The following SKAP1 variants were observed in gnomAD, a reference collection of about 807,000 sequenced individuals.
SKAP1 encodes src kinase associated phosphoprotein 1.
SKAP1 carries 44 observed loss-of-function variants against 58.5 expected under a neutral mutation model. That is an observed-to-expected ratio of 0.75 (90% CI 0.59 to 0.97). SKAP1 has a LOEUF of 0.97. Ranked by LOEUF, SKAP1 falls within the 50% of genes least tolerant of loss-of-function variation. The probability of loss-of-function intolerance (pLI) is 0.00; values close to 1 mark genes in which losing one functional copy is unlikely to be tolerated. For synonymous variants in SKAP1, 127 were observed against 149.7 expected, an observed-to-expected ratio of 0.85 and a Z score of 1.11; for missense variants, 390 against 435.2, an observed-to-expected ratio of 0.90 and a Z score of 0.92.
chr17:48,179,603 T>C (rs2064340229), intron 9 of SKAP1, among the ~76,000 whole-genome samples: 1 of 152,242 alleles, frequency 6.6e-6, no homozygotes, highest in Non-Finnish European at 1.5e-5. Flanking sequence ...AGGTTTGGTC[T>C]ATCAAGGTAT....
intron 11 of SKAP1, among the ~76,000 whole-genome samples, chr17:48,138,209 CTT>C (rs755390130): frequency 4.8e-5 from 7 of 144,344 alleles, no homozygotes; most frequent in African/African-American, 7.6e-5. Flanking sequence ...GGGGCTATTT[CTT>C]TTTTTTTTTT....
intron 4 of SKAP1, among the ~76,000 whole-genome samples, chr17:48,199,679 A>C (rs185854557): frequency 1.3e-5 from 2 of 152,078 alleles, no homozygotes; most frequent in Non-Finnish European, 2.9e-5. Flanking sequence ...TTGGGTTTCC[A>C]TAAGACCTTA....
chr17:48,322,461 C>T (rs1042949342), intron 4 of SKAP1, among the ~76,000 whole-genome samples: 31 of 152,256 alleles, frequency 2.0e-4, no homozygotes, highest in Admixed American at 1.0e-3. Flanking sequence ...CAAGGTATAA[C>T]GGAAAGAGTG....
chr17:48,257,152 G>T (rs1297936619), intron 4 of SKAP1, among the ~76,000 whole-genome samples: 2 of 151,722 alleles, frequency 1.3e-5, no homozygotes, highest in Non-Finnish European at 1.5e-5. Context: ...ATTTTAAAAG[G>T]TCTATCTTAA....
chr17:48,343,168 G>A (rs576025606), intron 4 of SKAP1, among the ~76,000 whole-genome samples: 9 of 152,066 alleles, frequency 5.9e-5, no homozygotes, highest in South Asian at 2.1e-4. Context: ...TTTTTCACCT[G>A]CAGCTTAACA....
At chr17:48,257,742 T>C (rs968675737) in intron 4 of SKAP1, among the ~76,000 whole-genome samples, 31 of 150,314 alleles carry the variant, frequency 2.1e-4, no homozygotes, top group African/African-American at 7.6e-4. Flanking sequence ...CTGTAGAAGA[T>C]AATAATGGTA....
chr17:48,134,289 CT>C (rs1203465964), intron 12 of SKAP1, among the ~76,000 whole-genome samples: 1 of 150,844 alleles, frequency 6.6e-6, no homozygotes, highest in Non-Finnish European at 1.5e-5. Context: ...ATTTTTTTTT[CT>C]TTTTTTACCC....
upstream of SKAP1, among the ~76,000 whole-genome samples, chr17:48,431,153 G>A (rs1479790550): frequency 1.3e-5 from 2 of 152,146 alleles, no homozygotes; most frequent in African/African-American, 4.8e-5. Context: ...TACCAGAAAA[G>A]GAGGGAAGAG....
At chr17:48,336,522 A>G (rs1003760304) in intron 4 of SKAP1, among the ~76,000 whole-genome samples, 3 of 152,186 alleles carry the variant, frequency 2.0e-5, no homozygotes, top group African/African-American at 7.2e-5. Context: ...AAAGGTAACA[A>G]TATAAATGAA....
intron 12 of SKAP1, 26 bp downstream of exon 12, chr17:48,137,203 C>T (rs2063711423): frequency 7.1e-7 from 1 of 1,417,272 alleles, no homozygotes; most frequent in Non-Finnish European, 1.0e-6. Flanking sequence ...AACTATTAGG[C>T]AGTTCATTGG....
chr17:48,219,619 C>G (rs951028371), intron 4 of SKAP1, among the ~76,000 whole-genome samples: 4 of 152,170 alleles, frequency 2.6e-5, no homozygotes, highest in African/African-American at 4.8e-5. Context: ...TGTGTTGGTA[C>G]CATAACCCAG....
intron 4 of SKAP1, among the ~76,000 whole-genome samples, chr17:48,280,059 T>C (rs1471004562): frequency 6.6e-6 from 1 of 152,164 alleles, no homozygotes; most frequent in East Asian, 1.9e-4. Context: ...AGAAAAATGA[T>C]CTAAAGCAAT....
chr17:48,280,224 T>C (rs1446275650), intron 4 of SKAP1, among the ~76,000 whole-genome samples: 1 of 152,116 alleles, frequency 6.6e-6, no homozygotes, highest in African/African-American at 2.4e-5. Flanking sequence ...TCTCAGCATT[T>C]TGGGAGGCAG....
At chr17:48,199,398 T>A (rs1202252423) in intron 4 of SKAP1, among the ~76,000 whole-genome samples, 1 of 152,246 alleles carries the variant, frequency 6.6e-6, no homozygotes, top group African/African-American at 2.4e-5. Flanking sequence ...CTCTGTCCTG[T>A]GGAACATGCC....
intron 2 of SKAP1, among the ~76,000 whole-genome samples, chr17:48,385,166 T>C (rs2067260521): frequency 6.6e-6 from 1 of 152,130 alleles, no homozygotes; most frequent in African/African-American, 2.4e-5. Flanking sequence ...CACCTGGCTG[T>C]GGCAATTGGA....
At chr17:48,226,208 C>T (rs763245927) in intron 4 of SKAP1, among the ~76,000 whole-genome samples, 1 of 152,184 alleles carries the variant, frequency 6.6e-6, no homozygotes, top group Non-Finnish European at 1.5e-5. Flanking sequence ...GGTCTCTCTT[C>T]AGATTGTTTG....
rs1488585911 is a variant in SKAP1, at chr17:48,405,098, AC to A, written c.47-8314del. Among the ~76,000 whole-genome samples, 8 of 152,324 alleles carry A rather than the reference AC, an allele frequency of 5.3e-5. No individual in the cohort carries two copies. The South Asian group carries it at 8.3e-4, about 16-fold the overall frequency. ...AGAGAAGCAGAAATTACTAAAAAAAACATTTTAATGTTACTACTAGTCTTGG... is the reference window on the plus strand; with the variant it reads ...AGAGAAGCAGAAATTACTAAAAAAAAATTTTAATGTTACTACTAGTCTTGG... On this transcript the variant is annotated intron_variant, in intron 1 of 12. Coordinates refer to ENST00000336915, the MANE Select transcript of SKAP1 (RefSeq NM_003726.4).
chr17:48,255,418 ATATATATATG>A (rs1478287157), intron 4 of SKAP1, among the ~76,000 whole-genome samples: 1 of 149,700 alleles, frequency 6.7e-6, no homozygotes, highest in African/African-American at 2.4e-5. Flanking sequence ...CTAACTAAAT[ATATATATATG>A]TATATATATA....
At chr17:48,408,642 T>C (rs1019270402) in intron 1 of SKAP1, among the ~76,000 whole-genome samples, 9 of 152,230 alleles carry the variant, frequency 5.9e-5, no homozygotes, top group Non-Finnish European at 1.0e-4. Context: ...TGTTTCATTG[T>C]ATATTTCTTT....
Sources: allele counts gnomAD v4.1 joint callset (sites outside exome capture counted in the v4.1 genomes callset), GRCh38; gene constraint gnomAD v4.1.1; transcripts MANE v1.5; gene names NCBI Gene and HGNC (gene_info 2026-07-23, HGNC 2026-07-21).